PGLYRP3: variants seen among roughly 807,000 people sequenced by gnomAD.
PGLYRP3 encodes peptidoglycan recognition protein I alpha.
PGLYRP3 carries 39 observed loss-of-function variants against 36.0 expected under a neutral mutation model. That is an observed-to-expected ratio of 1.08 (90% CI 0.84 to 1.41). The LOEUF is 1.41. Among genes scored for constraint, PGLYRP3 ranks in the 40% most tolerant of loss-of-function variants. The pLI, the probability that PGLYRP3 is intolerant of heterozygous loss-of-function variation, is 0.00. For synonymous variants in PGLYRP3, 204 were observed against 172.8 expected, an observed-to-expected ratio of 1.18 and a Z score of -1.42; for missense variants, 407 against 427.9, an observed-to-expected ratio of 0.95 and a Z score of 0.43.
chr1:153,300,937 C>T (rs974858964), intron 6 of PGLYRP3, among the ~76,000 whole-genome samples: 2 of 152,128 alleles, frequency 1.3e-5, no homozygotes, highest in African/African-American at 4.8e-5. Flanking sequence ...CTTTTTCAGA[C>T]AGGGTCTCAC....
Position 153,307,275 on chromosome 1 carries a change from G to A in PGLYRP3, c.56-8C>T, listed in dbSNP as rs1317735174. On this transcript the variant is annotated splice_region_variant and splice_polypyrimidine_tract_variant and intron_variant, in intron 2 of 7. Transcript: ENST00000683862. The stretch of plus-strand genomic sequence containing the variant: ...AGACGATGGTGGGAGTATCTGTAGG[G>A]AAGACCACAGAATGGCACATAGCAG... 9 of 1,584,698 alleles carry A rather than the reference G, an allele frequency of 5.7e-6. No homozygotes were observed. The highest frequency in any genetic ancestry group is 7.7e-6 in the Non-Finnish European group (9 of 1,165,754).
At chr1:153,309,067 C>T (rs988672822) in intron 2 of PGLYRP3, among the ~76,000 whole-genome samples, 11 of 152,158 alleles carry the variant, frequency 7.2e-5, no homozygotes, top group Admixed American at 4.6e-4. Flanking sequence ...TTATTGTGAC[C>T]GCCTTCAAAA....
chr1:153,307,101 G>A lies in PGLYRP3; in HGVS notation c.222C>T (p.Ser74=), dbSNP rs749638585. ...CGTCGCACCAGCCTATGGTGTAGAC[G>A]GAATGGGACTGCAACCCCCGCAGCA... ...SQMLRGLQSH[S]VYTIGWCDVA... is the part of the protein sequence containing the mutation. Residue 74 remains serine, a synonymous_variant, in exon 3 of 8, where the codon TCC becomes TCT. Transcript: ENST00000683862. 7.1e-5 allele frequency: 114 copies of A among 1,613,536 alleles called. No individual in the cohort carries two copies. The highest frequency in any genetic ancestry group is 9.0e-5 in the Non-Finnish European group (106 of 1,179,850).
intron 2 of PGLYRP3, among the ~76,000 whole-genome samples, chr1:153,308,145 C>T (rs919258258): frequency 6.6e-6 from 1 of 152,062 alleles, no homozygotes; most frequent in Non-Finnish European, 1.5e-5. Flanking sequence ...CAGGTGCATG[C>T]CACTATGCCA....
In PGLYRP3 at chr1:153,304,008, G is replaced by A; in HGVS notation, c.378C>T (p.Gly126=). The change falls in exon 5 of 8, where the codon GGC becomes GGT. Residue 126 remains glycine, a splice_region_variant and synonymous_variant. Transcript: ENST00000683862. The part of the protein sequence containing the change: ...LGIAFFGNKI[G]SSPSPAALSA... Reference sequence around the variant, plus strand: ...ATAAGGCAGCAGGGCTGGGACTGCTGCCTTAAAGAGGAGGACAGGGAGCAC... The same window carrying A: ...ATAAGGCAGCAGGGCTGGGACTGCTACCTTAAAGAGGAGGACAGGGAGCAC... The A allele has an allele frequency of 6.2e-7, 1 of 1,611,618 alleles. No individual in the cohort carries two copies. The highest frequency in any genetic ancestry group is 8.5e-7 in the Non-Finnish European group (1 of 1,178,406).
chr1:153,300,472 A>C (rs1170377274), intron 6 of PGLYRP3, among the ~76,000 whole-genome samples: 1 of 152,190 alleles, frequency 6.6e-6, no homozygotes, highest in Non-Finnish European at 1.5e-5. Context: ...TCAGAATCAA[A>C]ATGGAGTCAC....
At chr1:153,301,249 CTGTT>C (rs1331066500) in intron 6 of PGLYRP3, among the ~76,000 whole-genome samples, 1 of 152,160 alleles carries the variant, frequency 6.6e-6, no homozygotes, top group Non-Finnish European at 1.5e-5. Flanking sequence ...GAATCTCTCT[CTGTT>C]TGTTGTTAGA....
In PGLYRP3 at chr1:153,297,751, T is replaced by G. The variant is rs1385267729; in HGVS notation, c.*205A>C. The G allele has an allele frequency of 1.8e-6, 1 of 547,504 alleles. No individual in the cohort carries two copies. The allele number at this position is 547,504 out of a possible 1,614,324, so 33.9% of individuals were successfully genotyped here. ...GGTAAAAGAGAGGGGAAGTCTAAAC[T>G]CAGACCAAGAGGGCTGTGAATGCCC... On this transcript the variant is annotated 3_prime_UTR_variant, in exon 8 of 8. Coordinates refer to ENST00000683862, the MANE Select transcript of PGLYRP3 (RefSeq NM_052891.3).
At chr1:153,298,257 G>T in intron 7 of PGLYRP3, 123 bp from the exon 8 acceptor site, 1 of 1,054,992 alleles carries the variant, frequency 9.5e-7, no homozygotes, top group Non-Finnish European at 1.4e-6. Flanking sequence ...CATCACCATA[G>T]CCAACACATT....
chr1:153,298,591 C>T (rs1229358497), intron 7 of PGLYRP3, among the ~76,000 whole-genome samples: 2 of 152,022 alleles, frequency 1.3e-5, no homozygotes, highest in Admixed American at 6.6e-5. Flanking sequence ...TGCAGTGAGC[C>T]GACATCACGC....
rs149328381 is a variant in PGLYRP3 at position 153,307,209 on chromosome 1, G to T, written c.114C>A (p.Ala38=). The change falls in exon 3 of 8, where the codon GCC becomes GCA. Residue 38 remains alanine, a synonymous_variant. Transcript: ENST00000683862. The stretch of plus-strand genomic sequence containing the variant: ...TGTAGGCCACAGGCAGGGTCAGCAG[G>T]GCCCTGCAGGCGAGCGGTCTTGCCC... The part of the protein sequence containing the change: ...EWGARPLACR[A]LLTLPVAYII... The T allele has an allele frequency of 1.0e-4, 167 of 1,611,678 alleles. No individual in the cohort carries two copies. The African/African-American group carries it at 2.0e-3, about 20-fold the overall frequency.
chr1:153,298,709 A>C (rs1007153072), intron 7 of PGLYRP3, among the ~76,000 whole-genome samples: 1 of 152,122 alleles, frequency 6.6e-6, no homozygotes, highest in East Asian at 1.9e-4. Flanking sequence ...ACCACTTCTG[A>C]GCAGGTATAA....
chr1:153,305,480 T>C (rs1659719409), intron 3 of PGLYRP3, among the ~76,000 whole-genome samples: 1 of 152,252 alleles, frequency 6.6e-6, no homozygotes, highest in African/African-American at 2.4e-5. Context: ...TTGATGTTTT[T>C]CTTCAGATTC....
At chr1:153,310,860 C>A (rs529187506) in intron 1 of PGLYRP3, 154 bp from the exon 2 acceptor site, 1 of 540,716 alleles carries the variant, frequency 1.8e-6, no homozygotes, top group African/African-American at 1.9e-5. Flanking sequence ...TTAAACACAT[C>A]AGGTTCCCAA....
At chr1:153,298,159 G>C (rs1659489646) in intron 7 of PGLYRP3, 25 bp from the exon 8 acceptor site, 1 of 1,607,492 alleles carries the variant, frequency 6.2e-7, no homozygotes, top group Non-Finnish European at 8.5e-7. Flanking sequence ...TTCCCCATCA[G>C]TCATTAGGGG....
chr1:153,308,064 G>A (rs866858163), intron 2 of PGLYRP3, among the ~76,000 whole-genome samples: 28 of 150,506 alleles, frequency 1.9e-4, no homozygotes, highest in African/African-American at 5.6e-4. Flanking sequence ...GCGCGATCTC[G>A]GCTCACTGCA....
In PGLYRP3 at chr1:153,299,268, G is replaced by A. The variant is rs763859306; in HGVS notation, c.729-37C>T. The stretch of plus-strand genomic sequence containing the variant: ...AAAAGAAAATGAAGACAGTCACTCT[G>A]GGAAACAGAATTTAAATACTTCATT... On this transcript the variant is annotated intron_variant, in intron 6 of 7. Coordinates refer to ENST00000683862, the MANE Select transcript of PGLYRP3 (RefSeq NM_052891.3). The A allele has an allele frequency of 6.1e-6, 9 of 1,487,324 alleles. No individual in the cohort carries two copies. The East Asian group carries it at 2.0e-4, about 34-fold the overall frequency. 92.1% of individuals were successfully genotyped at this position (1,487,324 alleles called of 1,614,324 possible).
In PGLYRP3 at chr1:153,297,173, C is replaced by T. The variant is rs553318254; in HGVS notation, c.*783G>A. ...ACAAACATCTGTAGAACCTATTAAA[C>T]TCCAAACACTGCTGAGGAACTGAGG... On this transcript the variant is annotated 3_prime_UTR_variant, in exon 8 of 8. Coordinates refer to ENST00000683862, the MANE Select transcript of PGLYRP3 (RefSeq NM_052891.3). Among the ~76,000 whole-genome samples, 2 of 152,310 alleles carry T rather than the reference C, an allele frequency of 1.3e-5. No homozygotes were observed. The highest frequency in any genetic ancestry group is 4.8e-5 in the African/African-American group (2 of 41,566).
At chr1:153,312,484 A>T (rs892727585) in intron 1 of PGLYRP3, among the ~76,000 whole-genome samples, 159 bp downstream of exon 1, 1 of 151,834 alleles carries the variant, frequency 6.6e-6, no homozygotes, top group African/African-American at 2.4e-5. Context: ...AATGAAGAAA[A>T]TTTTCTTATT....
Sources: allele counts gnomAD v4.1 joint callset (sites outside exome capture counted in the v4.1 genomes callset), GRCh38; gene constraint gnomAD v4.1.1; transcripts MANE v1.5; gene names NCBI Gene and HGNC (gene_info 2026-07-23, HGNC 2026-07-21).